Variants in ADGRA2 observed in about 807,000 individuals in gnomAD.
The protein encoded by ADGRA2 is G-protein coupled receptor 124.
ADGRA2 carries 61 observed loss-of-function variants against 98.7 expected under a neutral mutation model. That is an observed-to-expected ratio of 0.62 (90% confidence interval 0.50 to 0.76). The LOEUF is 0.76. Among genes scored for constraint, ADGRA2 ranks in the 30% least tolerant of loss-of-function variants. The pLI is 0.00. For synonymous variants in ADGRA2, 858 were observed against 831.5 expected (o/e 1.03, Z -0.55); for missense variants, 1,712 against 1,860.0 (o/e 0.92, Z 1.46).
intron 13 of ADGRA2, 54 bp downstream of exon 13, chr8:37,835,824 G>T: frequency 1.7e-6 from 2 of 1,188,912 alleles, no homozygotes; most frequent in South Asian, 2.5e-5. Flanking sequence ...TGTCCGCCCT[G>T]TTCCCCTTTA....
At position 37,801,066 on chromosome 8, in the gene ADGRA2, C is replaced by T. The variant is rs145844308; in HGVS notation, c.266+3532C>T. 2.1e-3 allele frequency among the ~76,000 whole-genome samples: 320 copies of T among 152,248 alleles called. 3 individuals carry two copies. Among genetic ancestry groups the T allele is most frequent in the Non-Finnish European group, 3.7e-3 (252 of 68,018 alleles). ...GGTCCCTGTCTGCGGAGAGCCTCCT[C>T]CTGCACTCTGAGAAAGCCTTCCTGC... On this transcript the variant is annotated intron_variant, in intron 1 of 18. Coordinates refer to ENST00000412232, the MANE Select transcript of ADGRA2 (RefSeq NM_032777.10).
At chr8:37,818,506 G>C (rs1262307024) in intron 2 of ADGRA2, among the ~76,000 whole-genome samples, 1 of 152,276 alleles carries the variant, frequency 6.6e-6, no homozygotes, top group Non-Finnish European at 1.5e-5. Context: ...CAGCTCACAA[G>C]AGGCAGCATC....
chr8:37,814,224 A>C lies in ADGRA2; in HGVS notation c.267-672A>C, dbSNP rs1372216346. Among the ~76,000 whole-genome samples the C allele has an allele frequency of 6.6e-6, 1 of 152,062 alleles. No homozygotes were observed. Among genetic ancestry groups the C allele is most frequent in the African/African-American group, 2.4e-5 (1 of 41,404 alleles). On this transcript the variant is annotated intron_variant, in intron 1 of 18. Transcript: ENST00000412232. This position sits in a 1 kb window ranked among gnomAD's most constrained non-coding sequence, Gnocchi z 4.3. ...TTGGGGCCCCTTTCCTCCTCCCCTA[A>C]ATACAAACGAATAAATAAACAGAAC...
At chr8:37,839,873 G>A (rs1342267163) in intron 16 of ADGRA2, among the ~76,000 whole-genome samples, 1 of 152,160 alleles carries the variant, frequency 6.6e-6, no homozygotes, top group Non-Finnish European at 1.5e-5. Flanking sequence ...GTGGTGGGGA[G>A]GTGGGGGATC....
At chr8:37,799,713 G>A (rs1804443179) in intron 1 of ADGRA2, among the ~76,000 whole-genome samples, 2 of 152,152 alleles carry the variant, frequency 1.3e-5, no homozygotes, top group Admixed American at 1.3e-4. Flanking sequence ...CCAGGCCACT[G>A]AGCCATCAGG....
At chr8:37,825,544 C>G (rs911546115) in intron 2 of ADGRA2, among the ~76,000 whole-genome samples, 1 of 151,998 alleles carries the variant, frequency 6.6e-6, no homozygotes, top group South Asian at 2.1e-4. Context: ...CCACCGCACC[C>G]GGCCGGGGCT....
chr8:37,839,580 G>C lies in ADGRA2; in HGVS notation c.2469G>C (p.Ala823=), dbSNP rs760336321. 1.2e-6 allele frequency: 2 copies of C among 1,614,088 alleles called. No homozygotes were observed. The highest frequency in any genetic ancestry group is 1.6e-4 in the Middle Eastern group (1 of 6,062). The change falls in exon 16 of 19, where the codon GCG becomes GCC. Residue 823 remains alanine, a synonymous_variant. Transcript: ENST00000412232. The part of the protein sequence containing the change: ...FHIAMTSAVF[A]GGITLTNYQM... ...TAGCCATGACCTCTGCTGTCTTTGC[G>C]GGGGGCATCACACTCACCAACTACC... is the stretch of plus-strand genomic sequence containing the variant.
chr8:37,814,928 G>T lies in ADGRA2; in HGVS notation c.299G>T (p.Arg100Leu), dbSNP rs755065757. 8 of 1,613,008 alleles carry T rather than the reference G, an allele frequency of 5.0e-6. No homozygotes were observed. Among genetic ancestry groups the T allele is most frequent in the African/African-American group, 2.7e-5 (2 of 74,908 alleles). Residue 100 changes from arginine (R) to leucine (L), a missense_variant, in exon 2 of 19, where the codon CGC becomes CTC. Physicochemically the swap from Arg to Leu is moderately radical, Grantham distance 102. Coordinates refer to ENST00000412232, the MANE Select transcript of ADGRA2 (RefSeq NM_032777.10). This position sits in a 1 kb window ranked among gnomAD's most constrained non-coding sequence, Gnocchi z 4.3. ...LLSNNKITGL[R>L]NGSFLGLSLL... is the part of the protein sequence containing the mutation. ...AGCAATAACAAGATCACGGGGCTCC[G>T]CAATGGCTCCTTCCTGGGACTGTCA...
intron 2 of ADGRA2, among the ~76,000 whole-genome samples, chr8:37,825,326 C>T (rs1432667139): frequency 6.6e-6 from 1 of 152,130 alleles, no homozygotes; most frequent in South Asian, 2.1e-4. Context: ...TCACTGCAAC[C>T]TCCACCTCCC....
chr8:37,797,560 G>T lies in ADGRA2; in HGVS notation c.266+26G>T. ...GTGAGTACCCTACCAGGCCAGTTCC[G>T]TCCGAGCCGGGACTGGGGACGAAGG... On this transcript the variant is annotated intron_variant, in intron 1 of 18. Coordinates refer to ENST00000412232, the MANE Select transcript of ADGRA2 (RefSeq NM_032777.10). The surrounding 1 kb of genome is among the most constrained non-coding windows in gnomAD (Gnocchi z 5.3). 1 of 1,343,236 alleles carries T rather than the reference G, an allele frequency of 7.4e-7. No homozygotes were observed. The highest frequency in any genetic ancestry group is 9.6e-7 in the Non-Finnish European group (1 of 1,040,166). The allele number at this position is 1,343,236 out of a possible 1,614,324, so 83.2% of individuals were successfully genotyped here. A position where few individuals can be genotyped will look rare whatever the true frequency, so the allele number is the denominator to read the frequency against.
intron 2 of ADGRA2, among the ~76,000 whole-genome samples, chr8:37,815,524 C>G (rs7823540): frequency 6.6e-6 from 1 of 152,200 alleles, no homozygotes; most frequent in African/African-American, 2.4e-5. Flanking sequence ...CAGGTCTGGG[C>G]GTTCCCCGCT....
chr8:37,803,481 A>G (rs1804565329), intron 1 of ADGRA2, among the ~76,000 whole-genome samples: 1 of 152,192 alleles, frequency 6.6e-6, no homozygotes, highest in African/African-American at 2.4e-5. Context: ...AGGGCTGCTC[A>G]GAGGGGCTGT....
chr8:37,821,762 C>T (rs947809954), intron 2 of ADGRA2, among the ~76,000 whole-genome samples: 1 of 152,214 alleles, frequency 6.6e-6, no homozygotes, highest in African/African-American at 2.4e-5. Flanking sequence ...TTTGTCATTA[C>T]TTAATGAGAT....
chr8:37,805,384 G>A (rs1412711382), intron 1 of ADGRA2, among the ~76,000 whole-genome samples: 1 of 152,198 alleles, frequency 6.6e-6, no homozygotes, highest in East Asian at 1.9e-4. Flanking sequence ...TCAAAGATGA[G>A]TATCTGCGTA....
chr8:37,819,170 G>C (rs1805061396), intron 2 of ADGRA2, among the ~76,000 whole-genome samples: 1 of 152,172 alleles, frequency 6.6e-6, no homozygotes. Flanking sequence ...CCTTGGATGT[G>C]TGTGGGACAC....
At chr8:37,811,474 C>CTTTTT (rs34759771) in intron 1 of ADGRA2, among the ~76,000 whole-genome samples, 5 of 112,222 alleles carry the variant, frequency 4.5e-5, no homozygotes, top group African/African-American at 1.4e-4. Flanking sequence ...ACCCAGCCAA[C>CTTTTT]TTTTTTTTTT....
intron 16 of ADGRA2, 36 bp downstream of exon 16, chr8:37,839,658 G>A (rs531854106): frequency 1.1e-5 from 17 of 1,610,034 alleles, no homozygotes; most frequent in Admixed American, 6.7e-5. Flanking sequence ...GTGGTGCTCC[G>A]AGATGAGTGC....
At chr8:37,810,176 A>T (rs1461158718) in intron 1 of ADGRA2, among the ~76,000 whole-genome samples, 4 of 151,440 alleles carry the variant, frequency 2.6e-5, no homozygotes, top group South Asian at 2.1e-4. Flanking sequence ...TATATATAAA[A>T]ATATATATAT....
At chr8:37,827,686 C>T (rs1048452705) in intron 2 of ADGRA2, among the ~76,000 whole-genome samples, 4 of 152,222 alleles carry the variant, frequency 2.6e-5, no homozygotes, top group Non-Finnish European at 4.4e-5. Flanking sequence ...CTGTCACTTC[C>T]CTGGCTTCCT....
Sources: allele counts gnomAD v4.1 joint callset (sites outside exome capture counted in the v4.1 genomes callset), GRCh38; gene constraint gnomAD v4.1.1; non-coding constraint Gnocchi (gnomAD v3.1); transcripts MANE v1.5; gene names NCBI Gene and HGNC (gene_info 2026-07-23, HGNC 2026-07-21).